The following BAIAP2L1 variants were observed in gnomAD, a reference collection of about 807,000 sequenced individuals.
BAIAP2L1 encodes BAR/IMD domain-containing adapter protein 2-like 1.
A neutral mutation model predicts 66.3 loss-of-function variants in BAIAP2L1; 35 were observed. The ratio of observed to expected loss-of-function variants is 0.53; its 90% CI spans 0.40 to 0.70. The LOEUF (loss-of-function observed/expected upper bound fraction) is 0.70, where lower values mean the gene tolerates loss of function less well. BAIAP2L1 is among the 30% of genes least tolerant of loss of function. The pLI is 0.00. For missense variants in BAIAP2L1, 622 were observed against 656.9 expected (o/e 0.95, Z 0.58); for synonymous variants, 269 against 248.7 (o/e 1.08, Z -0.77).
rs1451517626 is a variant in BAIAP2L1, at chr7:98,364,386, C to T, written c.52-1954G>A. Among the ~76,000 whole-genome samples, 4 of 151,878 alleles carry T rather than the reference C, an allele frequency of 2.6e-5. No individual in the cohort carries two copies. The East Asian group carries it at 7.7e-4, about 29-fold the overall frequency. ...AATGTACAAAACTCTCAGCTAATCT[C>T]CTGTTCCGTTTTTCCCTTGACTTCC... On this transcript the variant is annotated intron_variant, in intron 1 of 13. Coordinates refer to ENST00000005260, the MANE Select transcript of BAIAP2L1 (RefSeq NM_018842.5).
intron 1 of BAIAP2L1, among the ~76,000 whole-genome samples, chr7:98,363,782 CA>C (rs1305312594): frequency 6.6e-6 from 1 of 151,868 alleles, no homozygotes; most frequent in African/African-American, 2.4e-5. Flanking sequence ...CGACCAGATG[CA>C]AAAAAGAATG....
intron 3 of BAIAP2L1, among the ~76,000 whole-genome samples, chr7:98,351,257 G>A (rs1011316915): frequency 2.0e-5 from 3 of 152,244 alleles, no homozygotes; most frequent in East Asian, 1.9e-4. Context: ...CAAAAAACGC[G>A]GAAGCACCAT....
intron 1 of BAIAP2L1, among the ~76,000 whole-genome samples, chr7:98,378,584 T>C (rs559315251): frequency 1.3e-5 from 2 of 152,360 alleles, no homozygotes; most frequent in Admixed American, 6.5e-5. Context: ...CTGTATAAGA[T>C]ATTCCCTGTT....
At chr7:98,390,051 G>A (rs1263377892) in intron 1 of BAIAP2L1, among the ~76,000 whole-genome samples, 2 of 151,474 alleles carry the variant, frequency 1.3e-5, no homozygotes, top group Admixed American at 1.3e-4. Context: ...GAGTAGCTGG[G>A]ACTACAGGCA....
intron 1 of BAIAP2L1, among the ~76,000 whole-genome samples, chr7:98,394,795 C>T (rs1297253071): frequency 6.6e-6 from 1 of 152,202 alleles, no homozygotes; most frequent in Non-Finnish European, 1.5e-5. Context: ...TAAAGCACGA[C>T]TCATAATATC....
intron 1 of BAIAP2L1, among the ~76,000 whole-genome samples, chr7:98,381,857 A>G (rs1802766667): frequency 6.6e-6 from 1 of 152,140 alleles, no homozygotes; most frequent in Non-Finnish European, 1.5e-5. Context: ...CTTCTGGACA[A>G]AAGTATCAAG....
chr7:98,369,072 G>GCAC (rs889508746), intron 1 of BAIAP2L1, among the ~76,000 whole-genome samples: 4 of 146,782 alleles, frequency 2.7e-5, no homozygotes, highest in Non-Finnish European at 6.0e-5. Context: ...CAGAACAGCT[G>GCAC]CACCATTTTA....
At chr7:98,312,314 G>C (rs1420106579) in intron 7 of BAIAP2L1, 50 bp from the exon 8 acceptor site, 1 of 1,543,674 alleles carries the variant, frequency 6.5e-7, no homozygotes, top group Non-Finnish European at 8.7e-7. Context: ...TGTCTGAAGA[G>C]CTGAGAAAAA....
intron 3 of BAIAP2L1, among the ~76,000 whole-genome samples, chr7:98,353,540 T>C (rs1802049514): frequency 7.3e-6 from 1 of 136,100 alleles, no homozygotes; most frequent in African/African-American, 2.7e-5. Context: ...AATATACATA[T>C]ATTTATATTA....
At chr7:98,377,132 T>C (rs1802652110) in intron 1 of BAIAP2L1, among the ~76,000 whole-genome samples, 1 of 152,204 alleles carries the variant, frequency 6.6e-6, no homozygotes, top group Non-Finnish European at 1.5e-5. Context: ...AGCCAATTTC[T>C]TGAAATAAAT....
chr7:98,332,517 C>T (rs1801520882), intron 3 of BAIAP2L1, among the ~76,000 whole-genome samples: 1 of 143,762 alleles, frequency 7.0e-6, no homozygotes, highest in Non-Finnish European at 1.5e-5. Flanking sequence ...AAAAGTATAA[C>T]AAAGTATACA....
chr7:98,301,749 C>A (rs947399582), intron 12 of BAIAP2L1, among the ~76,000 whole-genome samples: 1 of 152,054 alleles, frequency 6.6e-6, no homozygotes, highest in Non-Finnish European at 1.5e-5. Context: ...TTGGCAGGTG[C>A]GGCCTGTGGA....
At chr7:98,308,814 A>ACTC (rs1800763188) in intron 9 of BAIAP2L1, 2 of 154,092 alleles carry the variant, frequency 1.3e-5, no homozygotes, top group Admixed American at 1.3e-4. Context: ...AGTAGCTGGG[A>ACTC]CTACAGGCAC....
Position 98,294,129 on chromosome 7 carries a change from A to T in BAIAP2L1, c.1423-18T>A, listed in dbSNP as rs758886875. ...GCATCGTTCTGTGAGAAAGATAAAG[A>T]AGTTTATGGAGGGCTTAGAATTGGT... is the stretch of plus-strand genomic sequence containing the variant. On this transcript the variant is annotated intron_variant, in intron 12 of 13. Transcript: ENST00000005260. 6 of 1,613,172 alleles carry T rather than the reference A, an allele frequency of 3.7e-6. No individual in the cohort carries two copies. In the East Asian group the frequency reaches 6.7e-5, roughly 18 times the overall value.
At chr7:98,311,988 C>G in intron 8 of BAIAP2L1, 109 bp downstream of exon 8, 1 of 1,156,396 alleles carries the variant, frequency 8.6e-7, no homozygotes, top group African/African-American at 1.6e-5. Context: ...AAAGGTGGTC[C>G]TGGAAGTAAT....
chr7:98,395,036 G>A lies in BAIAP2L1; in HGVS notation c.51+5766C>T, dbSNP rs147122836. On this transcript the variant is annotated intron_variant, in intron 1 of 13. Coordinates refer to ENST00000005260, the MANE Select transcript of BAIAP2L1 (RefSeq NM_018842.5). ...TGAGACAGGAGAATCGCTTGAACCCGGGAGGCAAGGGTTGTAATGAGCCGA... is the reference window on the plus strand; with the variant it reads ...TGAGACAGGAGAATCGCTTGAACCCAGGAGGCAAGGGTTGTAATGAGCCGA... 3.3e-3 allele frequency among the ~76,000 whole-genome samples: 498 copies of A among 150,710 alleles called. 2 individuals are homozygous for A. The highest frequency in any genetic ancestry group is 0.011 in the African/African-American group (468 of 40,962).
Position 98,355,142 on chromosome 7 carries a change from G to A in BAIAP2L1, c.128-14C>T, listed in dbSNP as rs1003441048. On this transcript the variant is annotated splice_polypyrimidine_tract_variant and intron_variant, in intron 2 of 13. Transcript: ENST00000005260. ...CCAGGATCATAGCTAGACACAAAAG[G>A]TGACACACAAAATCGTCACTTAGAC... 5 of 1,584,912 alleles carry A rather than the reference G, an allele frequency of 3.2e-6. No homozygotes were observed. The highest frequency in any genetic ancestry group is 3.5e-6 in the Non-Finnish European group (4 of 1,154,078).
chr7:98,350,885 C>T (rs1210724545), intron 3 of BAIAP2L1, among the ~76,000 whole-genome samples: 1 of 151,904 alleles, frequency 6.6e-6, no homozygotes, highest in Non-Finnish European at 1.5e-5. Flanking sequence ...GAGATGGAGT[C>T]TCACTCTGTT....
At chr7:98,311,561 A>C (rs755891353) in intron 8 of BAIAP2L1, among the ~76,000 whole-genome samples, 2 of 151,756 alleles carry the variant, frequency 1.3e-5, no homozygotes, top group Non-Finnish European at 2.9e-5. Flanking sequence ...AAAATAAAAA[A>C]AAAACAGTAA....
Sources: allele counts gnomAD v4.1 joint callset (sites outside exome capture counted in the v4.1 genomes callset), GRCh38; gene constraint gnomAD v4.1.1; transcripts MANE v1.5; gene names NCBI Gene and HGNC (gene_info 2026-07-23, HGNC 2026-07-21).